The following CA13 variants were observed in gnomAD, a reference collection of about 807,000 sequenced individuals.
CA13 encodes carbonic anhydrase 13.
Under a neutral mutation model 31.5 loss-of-function variants are expected in CA13, and 21 were observed. That is an observed-to-expected ratio of 0.67 (90% CI 0.47 to 0.96). The LOEUF (loss-of-function observed/expected upper bound fraction) is 0.96, where lower values mean the gene tolerates loss of function less well. CA13 is among the 40% of genes least tolerant of loss of function. The probability of loss-of-function intolerance (pLI) is 0.00; values close to 1 mark genes in which losing one functional copy is unlikely to be tolerated. For missense variants in CA13, 315 were observed against 318.9 expected (o/e 0.99, Z 0.09); for synonymous variants, 117 against 111.4 (o/e 1.05, Z -0.32).
chr8:85,280,919 G>A (rs1250383880), intron 6 of CA13, among the ~76,000 whole-genome samples: 1 of 152,094 alleles, frequency 6.6e-6, no homozygotes, highest in Non-Finnish European at 1.5e-5. Flanking sequence ...TTTATAGATT[G>A]AAAAACATTG....
rs1310060932 is a variant in CA13 at position 85,276,032 on chromosome 8, C to T, written c.670-5198C>T. On this transcript the variant is annotated intron_variant, in intron 6 of 6. Transcript: ENST00000321764. ...TTTCTGGGCTGGCCAAGGCCGGAGCCGGCTCCCTCAGGTTGCTGGGAGGTG... is the reference window on the plus strand; with the variant it reads ...TTTCTGGGCTGGCCAAGGCCGGAGCTGGCTCCCTCAGGTTGCTGGGAGGTG... Among the ~76,000 whole-genome samples, 14 of 152,264 alleles carry T rather than the reference C, an allele frequency of 9.2e-5. No individual in the cohort carries two copies. The East Asian group carries it at 1.5e-3, about 17-fold the overall frequency.
chr8:85,273,780 C>T (rs1399429224), intron 6 of CA13, among the ~76,000 whole-genome samples: 1 of 151,994 alleles, frequency 6.6e-6, no homozygotes, highest in Non-Finnish European at 1.5e-5. Flanking sequence ...ATGCAAGGCT[C>T]TTGTATTGGT....
At position 85,252,234 on chromosome 8, in the gene CA13, T is replaced by C. The variant is rs531531711; in HGVS notation, c.235+1297T>C. Among the ~76,000 whole-genome samples, 136 of 152,164 alleles carry C rather than the reference T, an allele frequency of 8.9e-4. No homozygotes were observed. In the Middle Eastern group the frequency reaches 0.01, roughly 12 times the overall value. On this transcript the variant is annotated intron_variant, in intron 2 of 6. Coordinates refer to ENST00000321764, the MANE Select transcript of CA13 (RefSeq NM_198584.3). ...ATAGTGCCACTGTACTCAGCCTGGGTGACAGAGCAAGATCCTGTCTCAAAA... is the reference window on the plus strand; with the variant it reads ...ATAGTGCCACTGTACTCAGCCTGGGCGACAGAGCAAGATCCTGTCTCAAAA...
intron 6 of CA13, among the ~76,000 whole-genome samples, chr8:85,277,626 G>A (rs138206962): frequency 3.3e-5 from 5 of 152,276 alleles, no homozygotes; most frequent in East Asian, 1.9e-4. Context: ...CAGATGCAAC[G>A]CTCTTGTATC....
chr8:85,276,489 C>T (rs565299286), intron 6 of CA13, among the ~76,000 whole-genome samples: 24 of 152,358 alleles, frequency 1.6e-4, no homozygotes, highest in Middle Eastern at 3.4e-3. Context: ...CAGCTGGGCT[C>T]CTGAGTCTGG....
chr8:85,277,040 T>G (rs1304684923), intron 6 of CA13, among the ~76,000 whole-genome samples: 2 of 152,168 alleles, frequency 1.3e-5, no homozygotes, highest in Non-Finnish European at 2.9e-5. Flanking sequence ...ATCAGCGCCC[T>G]GTCAAAATAG....
At position 85,281,980 on chromosome 8, in the gene CA13, C is replaced by G. The variant is rs1807715579; in HGVS notation, c.*631C>G. 1 of 152,112 alleles carries G rather than the reference C, an allele frequency of 6.6e-6. No homozygotes were observed. The highest frequency in any genetic ancestry group is 1.5e-5 in the Non-Finnish European group (1 of 68,026). The allele number at this position is 152,112 out of a possible 1,614,324, so 9.4% of individuals were successfully genotyped here. On this transcript the variant is annotated 3_prime_UTR_variant, in exon 7 of 7. Coordinates refer to ENST00000321764, the MANE Select transcript of CA13 (RefSeq NM_198584.3). ...CTTTAGAATGTATTAAAAATTTTAC[C>G]TTGCCATAGAGACTGAATTAGTCAC...
chr8:85,265,533 GC>G (rs912392791), intron 3 of CA13, among the ~76,000 whole-genome samples: 1 of 151,810 alleles, frequency 6.6e-6, no homozygotes, highest in African/African-American at 2.4e-5. Flanking sequence ...AGAGTTCCAG[GC>G]CCCCCACCTC....
chr8:85,279,689 G>A (rs779546047), intron 6 of CA13, among the ~76,000 whole-genome samples: 30 of 152,152 alleles, frequency 2.0e-4, no homozygotes, highest in Non-Finnish European at 4.0e-4. Context: ...TCACTGTGGA[G>A]GCAGGTTGCT....
rs1412937735 is a variant in CA13, at chr8:85,266,719, T to G, written c.450+16T>G. The G allele has an allele frequency of 6.3e-7, 1 of 1,586,818 alleles. No individual in the cohort carries two copies. Among genetic ancestry groups the G allele is most frequent in the Non-Finnish European group, 8.6e-7 (1 of 1,156,182 alleles). ...GTTTTTACAGGTGAGAATCTACTGTTTTCATTTTAAATGATCAGCCTTGTT... is the reference window on the plus strand; with the variant it reads ...GTTTTTACAGGTGAGAATCTACTGTGTTCATTTTAAATGATCAGCCTTGTT... On this transcript the variant is annotated intron_variant, in intron 4 of 6. Coordinates refer to ENST00000321764, the MANE Select transcript of CA13 (RefSeq NM_198584.3).
At chr8:85,246,260 T>C (rs1172247230) in intron 1 of CA13, 1 of 464,400 alleles carries the variant, frequency 2.2e-6, no homozygotes, top group Non-Finnish European at 4.2e-6. Flanking sequence ...TTCAGTCTTT[T>C]AAGCTCACTA....
At chr8:85,260,190 A>G (rs1330211325) in intron 3 of CA13, among the ~76,000 whole-genome samples, 1 of 152,228 alleles carries the variant, frequency 6.6e-6, no homozygotes, top group Non-Finnish European at 1.5e-5. Context: ...TTCACTAATA[A>G]TACTCTGTGC....
intron 2 of CA13, among the ~76,000 whole-genome samples, chr8:85,252,432 AC>A (rs1807207346): frequency 1.1e-5 from 1 of 92,628 alleles, no homozygotes; most frequent in Non-Finnish European, 2.5e-5. Context: ...CCCTATTAGT[AC>A]TTTTTTCTAG....
Position 85,283,813 on chromosome 8 carries a change from G to A in CA13, c.*2464G>A, listed in dbSNP as rs762610918. ...TTGTGTTGGTTCTGTATTATAAATTGCACCTTAATAGACCAAAAATATCTA... is the reference window on the plus strand; with the variant it reads ...TTGTGTTGGTTCTGTATTATAAATTACACCTTAATAGACCAAAAATATCTA... On this transcript the variant is annotated 3_prime_UTR_variant, in exon 7 of 7. Transcript: ENST00000321764. 28 of 152,496 alleles carry A rather than the reference G, an allele frequency of 1.8e-4. No individual in the cohort carries two copies. Among genetic ancestry groups the A allele is most frequent in the Admixed American group, 1.0e-3 (16 of 15,284 alleles). 9.4% of individuals were successfully genotyped at this position (152,496 alleles called of 1,614,324 possible).
Position 85,266,489 on chromosome 8 carries a change from G to T in CA13, c.355-119G>T. On this transcript the variant is annotated intron_variant, in intron 3 of 6. Coordinates refer to ENST00000321764, the MANE Select transcript of CA13 (RefSeq NM_198584.3). ...AGAGGATTCTGTCCAAGATTCTTGT[G>T]ATAAATACATTATACATAAGTGTAC... 7.3e-6 allele frequency: 5 copies of T among 684,846 alleles called. 1 individual carries two copies. In the South Asian group the frequency reaches 7.8e-5, roughly 11 times the overall value. The allele number at this position is 684,846 out of a possible 1,614,324, so 42.4% of individuals were successfully genotyped here.
At chr8:85,279,221 A>G (rs1807662521) in intron 6 of CA13, among the ~76,000 whole-genome samples, 1 of 152,224 alleles carries the variant, frequency 6.6e-6, no homozygotes, top group African/African-American at 2.4e-5. Flanking sequence ...TCTACTGGGA[A>G]CCTGTAGGTA....
chr8:85,280,058 G>T (rs1308883422), intron 6 of CA13, among the ~76,000 whole-genome samples: 1 of 152,048 alleles, frequency 6.6e-6, no homozygotes, highest in Non-Finnish European at 1.5e-5. Flanking sequence ...GAGGAGGGCG[G>T]ATCATGAGGT....
At position 85,245,676 on chromosome 8, in the gene CA13, C is replaced by T. The variant is rs1285360402; in HGVS notation, c.-153C>T. The T allele has an allele frequency of 2.0e-5, 16 of 810,932 alleles. No homozygotes were observed. The highest frequency in any genetic ancestry group is 1.9e-4 in the Admixed American group (9 of 47,120). 50.2% of individuals were successfully genotyped at this position (810,932 alleles called of 1,614,324 possible). On this transcript the variant is annotated 5_prime_UTR_variant, in exon 1 of 7. Coordinates refer to ENST00000321764, the MANE Select transcript of CA13 (RefSeq NM_198584.3). Reference sequence around the variant, plus strand: ...GCCTCTGCCGTCTGGAGGACGCAGGCGGGAGCGCCCCGGACCGGGTTCACG... The same window carrying T: ...GCCTCTGCCGTCTGGAGGACGCAGGTGGGAGCGCCCCGGACCGGGTTCACG...
In CA13 at chr8:85,245,515, AGAAGG is replaced by A; in HGVS notation, c.-313_-309del. The A allele has an allele frequency of 2.6e-6, 1 of 386,300 alleles. No homozygotes were observed. The highest frequency in any genetic ancestry group is 4.7e-5 in the Admixed American group (1 of 21,328). The allele number at this position is 386,300 out of a possible 1,614,324, so 23.9% of individuals were successfully genotyped here. A position where few individuals can be genotyped will look rare whatever the true frequency, so the allele number is the denominator to read the frequency against. On this transcript the variant is annotated 5_prime_UTR_variant, in exon 1 of 7. Coordinates refer to ENST00000321764, the MANE Select transcript of CA13 (RefSeq NM_198584.3). The stretch of plus-strand genomic sequence containing the variant: ...TTCCTCTCCCGAGTGACGACTCCTC[AGAAGG>A]CAGGAGATCCCCCCCGGAAACCTTT...
Sources: gnomAD v4.1 joint callset for allele counts (sites outside exome capture counted in the v4.1 genomes callset) on GRCh38, gnomAD v4.1.1 for gene constraint, MANE v1.5 for transcripts, NCBI Gene and HGNC (gene_info 2026-07-23, HGNC 2026-07-21) for gene names.